Variants in NEK11 observed in about 807,000 individuals in gnomAD.
The protein encoded by NEK11 is NIMA related kinase 11, also known as serine/threonine-protein kinase Nek11.
NEK11 carries 72 observed loss-of-function variants against 80.7 expected under a neutral mutation model. That is an observed-to-expected ratio of 0.89 (90% CI 0.74 to 1.08). The LOEUF (loss-of-function observed/expected upper bound fraction) is 1.08. Ranked by LOEUF, NEK11 falls within the 50% of genes least tolerant of loss-of-function variation. The pLI, the probability that NEK11 is intolerant of heterozygous loss-of-function variation, is 0.00. For synonymous variants in NEK11, 251 were observed against 260.7 expected (o/e 0.96, Z 0.36); for missense variants, 764 against 763.6 (o/e 1.00, Z -0.01).
intron 4 of NEK11, among the ~76,000 whole-genome samples, chr3:131,093,498 A>G (rs985463362): frequency 2.0e-5 from 3 of 152,008 alleles, no homozygotes; most frequent in Non-Finnish European, 2.9e-5. Context: ...ATCTCAGCTC[A>G]GTGCAATCTC....
At chr3:131,147,540 CTT>C (rs2088630614) in intron 7 of NEK11, among the ~76,000 whole-genome samples, 1 of 151,922 alleles carries the variant, frequency 6.6e-6, no homozygotes, top group African/African-American at 2.4e-5. Flanking sequence ...CAAATTAGTT[CTT>C]GTTTAATTGC....
intron 14 of NEK11, among the ~76,000 whole-genome samples, chr3:131,202,703 T>C (rs1192716662): frequency 6.6e-6 from 1 of 151,966 alleles, no homozygotes; most frequent in Middle Eastern, 3.2e-3. Context: ...ATATCCAGAA[T>C]CTACAAAGAA....
intron 15 of NEK11, 109 bp from the exon 16 acceptor site, chr3:131,243,327 T>C: frequency 1.1e-6 from 1 of 900,312 alleles, no homozygotes; most frequent in South Asian, 1.6e-5. Context: ...TGAAATAATT[T>C]TGGAACCAGA....
intron 14 of NEK11, among the ~76,000 whole-genome samples, chr3:131,201,959 T>C (rs1426577469): frequency 6.6e-6 from 1 of 152,144 alleles, no homozygotes; most frequent in Non-Finnish European, 1.5e-5. Flanking sequence ...CTCAGCCTCC[T>C]GAATAGCTGG....
chr3:131,301,995 C>G (rs932160209), intron 17 of NEK11, among the ~76,000 whole-genome samples: 4 of 151,938 alleles, frequency 2.6e-5, no homozygotes, highest in Non-Finnish European at 4.4e-5. Context: ...GGGACTTTTT[C>G]TTGTTGGTAG....
chr3:131,188,657 A>G (rs2037177), intron 14 of NEK11, among the ~76,000 whole-genome samples: 15,860 of 152,122 alleles, frequency 0.1, 1,359 homozygotes, highest in East Asian at 0.43. Flanking sequence ...TCCTTTAGAA[A>G]AAGCATTCCC....
At chr3:131,120,950 G>T (rs983434874) in intron 5 of NEK11, among the ~76,000 whole-genome samples, 10 of 152,194 alleles carry the variant, frequency 6.6e-5, no homozygotes, top group Admixed American at 2.0e-4. Flanking sequence ...GGGGAAGTTT[G>T]TTATTACCTA....
At chr3:131,113,872 T>C (rs889061413) in intron 5 of NEK11, among the ~76,000 whole-genome samples, 16 of 141,854 alleles carry the variant, frequency 1.1e-4, no homozygotes, top group Non-Finnish European at 2.1e-4. Flanking sequence ...GATTGCACCA[T>C]CGTATTCTAG....
chr3:131,154,179 G>T (rs1412942088), intron 9 of NEK11, among the ~76,000 whole-genome samples: 1 of 152,068 alleles, frequency 6.6e-6, no homozygotes, highest in South Asian at 2.1e-4. Context: ...TTCTGTGCAG[G>T]CCAAATGGGA....
chr3:131,295,369 A>C (rs1420382477), intron 17 of NEK11, among the ~76,000 whole-genome samples: 1 of 152,082 alleles, frequency 6.6e-6, no homozygotes, highest in Non-Finnish European at 1.5e-5. Flanking sequence ...GAAATGCTCC[A>C]ATGAGTATTT....
At chr3:131,034,800 A>T (rs1471142466) in intron 3 of NEK11, among the ~76,000 whole-genome samples, 1 of 152,192 alleles carries the variant, frequency 6.6e-6, no homozygotes, top group Non-Finnish European at 1.5e-5. Context: ...ATATCAACAC[A>T]CATAAAACAA....
intron 5 of NEK11, among the ~76,000 whole-genome samples, chr3:131,122,061 G>A (rs907644302): frequency 5.9e-5 from 9 of 152,196 alleles, no homozygotes; most frequent in African/African-American, 1.9e-4. Flanking sequence ...CTTCTGTGTC[G>A]CTCATGCTGG....
At chr3:131,123,504 T>A (rs930198991) in intron 5 of NEK11, among the ~76,000 whole-genome samples, 1 of 152,200 alleles carries the variant, frequency 6.6e-6, no homozygotes, top group African/African-American at 2.4e-5. Flanking sequence ...AATAGCTTGA[T>A]ACCTGGTTTG....
chr3:131,252,962 A>G (rs1278078827), intron 16 of NEK11, among the ~76,000 whole-genome samples: 1 of 152,126 alleles, frequency 6.6e-6, no homozygotes, highest in Non-Finnish European at 1.5e-5. Flanking sequence ...TTTTCTTCCT[A>G]GATTTTTTTC....
chr3:131,064,162 T>C (rs34432383), intron 3 of NEK11, among the ~76,000 whole-genome samples: 1 of 152,206 alleles, frequency 6.6e-6, no homozygotes, highest in Middle Eastern at 3.4e-3. Context: ...CCAGGGGCTA[T>C]GGAGAGTGGG....
chr3:131,215,460 G>A (rs2094801891), intron 14 of NEK11, among the ~76,000 whole-genome samples: 1 of 152,046 alleles, frequency 6.6e-6, no homozygotes, highest in South Asian at 2.1e-4. Flanking sequence ...GAAAGATATT[G>A]TCTACCATGG....
At chr3:131,070,364 T>C (rs1187225132) in intron 3 of NEK11, among the ~76,000 whole-genome samples, 1 of 152,238 alleles carries the variant, frequency 6.6e-6, no homozygotes, top group Non-Finnish European at 1.5e-5. Flanking sequence ...CACAAAATTA[T>C]ACCTTCAGGG....
Position 131,091,320 on chromosome 3 carries a change from A to G in NEK11, c.336+10732A>G, listed in dbSNP as rs941758372. 2.6e-5 allele frequency among the ~76,000 whole-genome samples: 4 copies of G among 152,168 alleles called. 1 individual carries two copies. Among genetic ancestry groups the G allele is most frequent in the Middle Eastern group, 3.2e-3 (1 of 316 alleles). On this transcript the variant is annotated intron_variant, in intron 4 of 17. Transcript: ENST00000383366. Reference sequence around the variant, plus strand: ...TATTTCCTTTGGACATTTCACTTTGAGGCCTGTTATTGAAGGCCCTTTTCT... The same window carrying G: ...TATTTCCTTTGGACATTTCACTTTGGGGCCTGTTATTGAAGGCCCTTTTCT...
At chr3:131,264,294 A>G (rs893258736) in intron 16 of NEK11, among the ~76,000 whole-genome samples, 51 of 152,336 alleles carry the variant, frequency 3.3e-4, no homozygotes, top group Admixed American at 2.1e-3. Context: ...GCCCATGCCC[A>G]TGTCCTGAAT....
Sources: gnomAD v4.1 joint callset for allele counts (sites outside exome capture counted in the v4.1 genomes callset) on GRCh38, gnomAD v4.1.1 for gene constraint, MANE v1.5 for transcripts, NCBI Gene and HGNC (gene_info 2026-07-23, HGNC 2026-07-21) for gene names.